CLMN: variants seen among roughly 807,000 people sequenced by gnomAD.
The protein encoded by CLMN is calmin.
Under a neutral mutation model 92.7 loss-of-function variants are expected in CLMN, and 57 were observed. That is an observed-to-expected ratio of 0.61 (90% CI 0.50 to 0.77). CLMN has a LOEUF of 0.77. CLMN is among the 30% of genes least tolerant of loss of function. CLMN has a pLI of 0.00. For synonymous variants in CLMN, 466 were observed against 470.6 expected (o/e 0.99, Z 0.13); for missense variants, 1,158 against 1,237.5 (o/e 0.94, Z 0.96).
At chr14:95,226,143 G>A (rs1019940469) in intron 2 of CLMN, among the ~76,000 whole-genome samples, 1 of 152,114 alleles carries the variant, frequency 6.6e-6, no homozygotes, top group Non-Finnish European at 1.5e-5. Flanking sequence ...ATATGGGATC[G>A]GTTCCAGGAC....
At chr14:95,248,864 T>C (rs1221562090) in intron 1 of CLMN, among the ~76,000 whole-genome samples, 2 of 152,206 alleles carry the variant, frequency 1.3e-5, no homozygotes, top group East Asian at 3.8e-4. Flanking sequence ...ACCATAAGTA[T>C]ATATTTGATA....
At chr14:95,268,652 A>G (rs937312242) in intron 1 of CLMN, among the ~76,000 whole-genome samples, 1 of 152,168 alleles carries the variant, frequency 6.6e-6, no homozygotes, top group African/African-American at 2.4e-5. Context: ...AGATGAGTCC[A>G]TAAGCAGCTG....
At chr14:95,235,773 G>A (rs767711444) in intron 1 of CLMN, among the ~76,000 whole-genome samples, 7 of 152,144 alleles carry the variant, frequency 4.6e-5, no homozygotes, top group Admixed American at 3.9e-4. Context: ...CAGGTCCACC[G>A]GGGCCAGTGT....
intron 1 of CLMN, among the ~76,000 whole-genome samples, chr14:95,292,581 G>T (rs1900618507): frequency 4.0e-5 from 6 of 151,836 alleles, no homozygotes; most frequent in Admixed American, 3.3e-4. Context: ...AATAACTTCA[G>T]GTCAAAAGCC....
intron 1 of CLMN, among the ~76,000 whole-genome samples, chr14:95,243,381 T>C (rs142331321): frequency 6.6e-6 from 1 of 152,316 alleles, no homozygotes; most frequent in East Asian, 1.9e-4. Flanking sequence ...GAAGTGTTTG[T>C]TACTTGCAAG....
chr14:95,258,851 G>GGT (rs755327046), intron 1 of CLMN, among the ~76,000 whole-genome samples: 7 of 146,260 alleles, frequency 4.8e-5, no homozygotes, highest in Admixed American at 2.7e-4. Flanking sequence ...ATGTATCTGT[G>GGT]GTGTGTGTGT....
chr14:95,301,004 G>C (rs1244119097), intron 1 of CLMN, among the ~76,000 whole-genome samples: 1 of 152,234 alleles, frequency 6.6e-6, no homozygotes, highest in African/African-American at 2.4e-5. Context: ...AGAAATAAAA[G>C]TTGCAGATTC....
chr14:95,293,835 A>G (rs1220501978), intron 1 of CLMN, among the ~76,000 whole-genome samples: 1 of 152,216 alleles, frequency 6.6e-6, no homozygotes, highest in Non-Finnish European at 1.5e-5. Flanking sequence ...ACAAACCTGC[A>G]GTCTCTAGAA....
chr14:95,195,536 G>A (rs1173184583), intron 10 of CLMN, among the ~76,000 whole-genome samples: 5 of 152,206 alleles, frequency 3.3e-5, no homozygotes, highest in Admixed American at 2.6e-4. Context: ...CTCCCCAAAT[G>A]CATACCTCAA....
At chr14:95,292,604 G>A (rs909485648) in intron 1 of CLMN, among the ~76,000 whole-genome samples, 4 of 151,974 alleles carry the variant, frequency 2.6e-5, no homozygotes, top group African/African-American at 4.8e-5. Context: ...AGCAAGCTCT[G>A]CCCTGCACAC....
At chr14:95,228,442 G>A (rs918800634) in intron 2 of CLMN, among the ~76,000 whole-genome samples, 7 of 152,212 alleles carry the variant, frequency 4.6e-5, no homozygotes, top group African/African-American at 1.7e-4. Flanking sequence ...TGGGTGAAGT[G>A]GTGGCACTGC....
At chr14:95,315,687 C>T (rs1901734952) in intron 1 of CLMN, among the ~76,000 whole-genome samples, 1 of 152,212 alleles carries the variant, frequency 6.6e-6, no homozygotes, top group African/African-American at 2.4e-5. Flanking sequence ...TCTGCTTGGC[C>T]TTCAAAGTCC....
chr14:95,214,599 G>A (rs979020034), intron 5 of CLMN, among the ~76,000 whole-genome samples: 2 of 152,092 alleles, frequency 1.3e-5, no homozygotes, highest in East Asian at 1.9e-4. Flanking sequence ...CGACCCTGCC[G>A]CCATGGCCTC....
At position 95,182,199 on chromosome 14, in the gene CLMN, A is replaced by G. The variant is rs1896343720; in HGVS notation, c.*9365T>C. ...AAAGCTACAGCTATGTATATCCTAA[A>G]TAGACAAAAATAATCCTTGTACTAC... On this transcript the variant is annotated 3_prime_UTR_variant, in exon 13 of 13. Coordinates refer to ENST00000298912, the MANE Select transcript of CLMN (RefSeq NM_024734.4). The G allele has an allele frequency of 6.6e-6, 1 of 152,212 alleles. No homozygotes were observed. The highest frequency in any genetic ancestry group is 1.5e-5 in the Non-Finnish European group (1 of 68,038). The allele number at this position is 152,212 out of a possible 1,614,324, so 9.4% of individuals were successfully genotyped here.
intron 9 of CLMN, among the ~76,000 whole-genome samples, chr14:95,200,883 T>C (rs1227468935): frequency 1.3e-5 from 2 of 151,982 alleles, no homozygotes; most frequent in African/African-American, 4.8e-5. Context: ...CCTAAGTTAC[T>C]GCAGAACAGG....
chr14:95,195,518 C>T (rs892258470), intron 10 of CLMN, among the ~76,000 whole-genome samples: 6 of 152,220 alleles, frequency 3.9e-5, no homozygotes, highest in Admixed American at 2.0e-4. Context: ...ATGGGCTTCT[C>T]CCTACCCCTC....
At chr14:95,282,459 C>A (rs898949790) in intron 1 of CLMN, among the ~76,000 whole-genome samples, 3 of 152,116 alleles carry the variant, frequency 2.0e-5, no homozygotes, top group Non-Finnish European at 4.4e-5. Context: ...CAGATCAGAG[C>A]AATATCAGGA....
At chr14:95,278,702 A>G (rs1193005711) in intron 1 of CLMN, among the ~76,000 whole-genome samples, 1 of 152,212 alleles carries the variant, frequency 6.6e-6, no homozygotes, top group Non-Finnish European at 1.5e-5. Context: ...ATAAACTTTT[A>G]GGGATGGCTA....
chr14:95,275,729 G>A (rs922276356), intron 1 of CLMN, among the ~76,000 whole-genome samples: 2 of 152,258 alleles, frequency 1.3e-5, no homozygotes, highest in Admixed American at 1.3e-4. Context: ...ATGGCGTGAC[G>A]TCGGCTCACT....
Sources: gnomAD v4.1 joint callset for allele counts (sites outside exome capture counted in the v4.1 genomes callset) on GRCh38, gnomAD v4.1.1 for gene constraint, MANE v1.5 for transcripts, NCBI Gene and HGNC (gene_info 2026-07-23, HGNC 2026-07-21) for gene names.